Variants in GULP1 observed in about 807,000 individuals in gnomAD.
GULP1 encodes PTB domain-containing engulfment adapter protein 1.
A neutral mutation model predicts 40.9 loss-of-function variants in GULP1; 19 were observed. The ratio of observed to expected loss-of-function variants is 0.46; its 90% CI spans 0.32 to 0.68. The LOEUF (loss-of-function observed/expected upper bound fraction) is 0.68, where lower values mean the gene tolerates loss of function less well. Ranked by LOEUF, GULP1 falls within the 30% of genes least tolerant of loss-of-function variation. The pLI is 0.03. For synonymous variants in GULP1, 119 were observed against 117.6 expected (o/e 1.01, Z -0.08); for missense variants, 312 against 362.2 (o/e 0.86, Z 1.12).
At chr2:188,470,219 C>G (rs1176200737) in intron 2 of GULP1, among the ~76,000 whole-genome samples, 4 of 152,102 alleles carry the variant, frequency 2.6e-5, no homozygotes, top group African/African-American at 9.7e-5. Context: ...TTTATTACAG[C>G]TTTGATCTTG....
At chr2:188,342,559 T>A (rs1018876379) in intron 1 of GULP1, among the ~76,000 whole-genome samples, 3 of 152,148 alleles carry the variant, frequency 2.0e-5, no homozygotes, top group Non-Finnish European at 2.9e-5. Flanking sequence ...GACATATCTT[T>A]TGGGGACCAC....
At chr2:188,299,580 A>G (rs1025362846) in intron 1 of GULP1, among the ~76,000 whole-genome samples, 1 of 152,240 alleles carries the variant, frequency 6.6e-6, no homozygotes, top group Non-Finnish European at 1.5e-5. Context: ...AGATTCTGAT[A>G]TGATACAGTT....
At chr2:188,527,838 A>T (rs1487444236) in intron 5 of GULP1, among the ~76,000 whole-genome samples, 2 of 152,202 alleles carry the variant, frequency 1.3e-5, no homozygotes, top group African/African-American at 2.4e-5. Flanking sequence ...TCTGTGCTCC[A>T]GGACGGAGCT....
chr2:188,338,816 T>G (rs915444891), intron 1 of GULP1, among the ~76,000 whole-genome samples: 1 of 152,188 alleles, frequency 6.6e-6, no homozygotes, highest in Admixed American at 6.5e-5. Context: ...TCAGAAGAAT[T>G]GTTAAAAAGG....
chr2:188,502,038 AAT>A (rs2063483528), intron 4 of GULP1, among the ~76,000 whole-genome samples: 1 of 151,882 alleles, frequency 6.6e-6, no homozygotes, highest in African/African-American at 2.4e-5. Context: ...TTTTTTCAAA[AAT>A]ATATTTGTTA....
At chr2:188,399,342 A>G (rs1024073314) in intron 2 of GULP1, among the ~76,000 whole-genome samples, 1 of 152,026 alleles carries the variant, frequency 6.6e-6, no homozygotes, top group Non-Finnish European at 1.5e-5. Flanking sequence ...TCTTCCTCTC[A>G]CACTCACAAA....
At chr2:188,445,653 A>G (rs1357750822) in intron 2 of GULP1, among the ~76,000 whole-genome samples, 1 of 152,162 alleles carries the variant, frequency 6.6e-6, no homozygotes, top group Non-Finnish European at 1.5e-5. Context: ...GCAGTCAATA[A>G]ATTATGAGTA....
At chr2:188,454,767 A>G (rs1320190411) in intron 2 of GULP1, among the ~76,000 whole-genome samples, 18 of 152,220 alleles carry the variant, frequency 1.2e-4, no homozygotes, top group Non-Finnish European at 1.6e-4. Context: ...AATCCACATT[A>G]GGCATAGGGA....
chr2:188,554,673 T>C (rs1369342681), intron 7 of GULP1, among the ~76,000 whole-genome samples: 3 of 152,188 alleles, frequency 2.0e-5, no homozygotes, highest in Non-Finnish European at 4.4e-5. Context: ...TGGTCTGTAG[T>C]ACAGTTTAAA....
At chr2:188,378,236 G>A (rs779627875) in intron 1 of GULP1, among the ~76,000 whole-genome samples, 2 of 147,318 alleles carry the variant, frequency 1.4e-5, no homozygotes, top group African/African-American at 2.5e-5. Context: ...TAGTCACTAC[G>A]CTACTTTGCT....
intron 2 of GULP1, among the ~76,000 whole-genome samples, chr2:188,393,656 T>A (rs928811616): frequency 6.6e-6 from 1 of 152,172 alleles, no homozygotes; most frequent in Non-Finnish European, 1.5e-5. Context: ...TTTGTTATTG[T>A]TTTTTAAGCA....
chr2:188,497,351 T>C (rs2062997829), intron 4 of GULP1, among the ~76,000 whole-genome samples: 1 of 152,008 alleles, frequency 6.6e-6, no homozygotes, highest in African/African-American at 2.4e-5. Flanking sequence ...AACATTATAG[T>C]AAATGGTCCA....
intron 1 of GULP1, among the ~76,000 whole-genome samples, chr2:188,334,876 G>A (rs2042062067): frequency 6.6e-6 from 1 of 152,162 alleles, no homozygotes; most frequent in Admixed American, 6.6e-5. Flanking sequence ...AAAGGAATCT[G>A]CTACAAGTTG....
At chr2:188,412,038 A>T (rs959645650) in intron 2 of GULP1, among the ~76,000 whole-genome samples, 5 of 152,138 alleles carry the variant, frequency 3.3e-5, no homozygotes, top group Non-Finnish European at 7.4e-5. Flanking sequence ...GGGTGGCAGG[A>T]GTGGATACCA....
At chr2:188,521,409 C>T (rs1358668449) in intron 4 of GULP1, among the ~76,000 whole-genome samples, 4 of 152,042 alleles carry the variant, frequency 2.6e-5, no homozygotes, top group Admixed American at 2.6e-4. Context: ...TCTCATACTG[C>T]TAATAAAGAC....
chr2:188,549,559 G>A (rs563295067), intron 7 of GULP1, among the ~76,000 whole-genome samples: 14 of 151,966 alleles, frequency 9.2e-5, no homozygotes, highest in African/African-American at 3.4e-4. Context: ...AAATGGTATG[G>A]CCATTCAGGA....
chr2:188,347,770 C>T (rs113589525), intron 1 of GULP1, among the ~76,000 whole-genome samples: 8 of 152,268 alleles, frequency 5.3e-5, no homozygotes, highest in South Asian at 4.2e-4. Flanking sequence ...CATGCCACCA[C>T]GCCCAACTAA....
chr2:188,352,763 C>T (rs1360214719), intron 1 of GULP1, among the ~76,000 whole-genome samples: 4 of 152,014 alleles, frequency 2.6e-5, no homozygotes, highest in African/African-American at 9.7e-5. Context: ...CTTCAGTCTT[C>T]AGCCTCACTA....
At chr2:188,559,622 G>A (rs1465382102) in intron 7 of GULP1, among the ~76,000 whole-genome samples, 1 of 152,180 alleles carries the variant, frequency 6.6e-6, no homozygotes, top group East Asian at 1.9e-4. Flanking sequence ...ACTTTGAACT[G>A]TGGACTTTTG....
Sources: allele counts gnomAD v4.1 joint callset (sites outside exome capture counted in the v4.1 genomes callset), GRCh38; gene constraint gnomAD v4.1.1; transcripts MANE v1.5; gene names NCBI Gene and HGNC (gene_info 2026-07-23, HGNC 2026-07-21).